Variants in TBC1D32 observed in about 807,000 individuals in gnomAD.
TBC1D32 encodes TBC1 domain family member 32, also known as protein broad-minded.
TBC1D32 carries 151 observed loss-of-function variants against 170.3 expected under a neutral mutation model. The ratio of observed to expected loss-of-function variants is 0.89; its 90% CI spans 0.78 to 1.01. The LOEUF (loss-of-function observed/expected upper bound fraction) is 1.01, where lower values mean the gene tolerates loss of function less well. TBC1D32 is among the 50% of genes least tolerant of loss of function. The probability of loss-of-function intolerance (pLI) is 0.00; values close to 1 mark genes in which losing one functional copy is unlikely to be tolerated. For synonymous variants in TBC1D32, 498 were observed against 488.0 expected, an observed-to-expected ratio of 1.02 and a Z score of -0.27; for missense variants, 1,464 against 1,457.1, an observed-to-expected ratio of 1.00 and a Z score of -0.08.
intron 17 of TBC1D32, among the ~76,000 whole-genome samples, chr6:121,252,706 T>C (rs1798456588): frequency 6.6e-6 from 1 of 152,202 alleles, no homozygotes; most frequent in African/African-American, 2.4e-5. Context: ...CTGCATATTC[T>C]GCACATGTAT....
chr6:121,240,842 T>G (rs1032141824), intron 19 of TBC1D32, among the ~76,000 whole-genome samples: 1 of 121,856 alleles, frequency 8.2e-6, no homozygotes, highest in Non-Finnish European at 1.6e-5. Flanking sequence ...GCCATTGTAC[T>G]CCAGCCTGGG....
chr6:121,198,623 C>T (rs1341595519), intron 22 of TBC1D32, among the ~76,000 whole-genome samples: 3 of 150,670 alleles, frequency 2.0e-5, no homozygotes, highest in African/African-American at 5.0e-5. Context: ...TGGTGGCAGG[C>T]GCCTGTAGTC....
chr6:121,208,476 C>T (rs1455454293), intron 21 of TBC1D32, among the ~76,000 whole-genome samples: 1 of 151,792 alleles, frequency 6.6e-6, no homozygotes, highest in Non-Finnish European at 1.5e-5. Flanking sequence ...GAAATCACCC[C>T]ATAATTCAGT....
At chr6:121,213,765 AC>A (rs150722970) in intron 21 of TBC1D32, among the ~76,000 whole-genome samples, 2,653 of 152,190 alleles carry the variant, frequency 0.017, 95 homozygotes, top group African/African-American at 0.061. Context: ...ACTAACAATG[AC>A]ATCCTTCACA....
chr6:121,145,449 C>T (rs1783304149), intron 24 of TBC1D32, among the ~76,000 whole-genome samples: 1 of 151,808 alleles, frequency 6.6e-6, no homozygotes, highest in Non-Finnish European at 1.5e-5. Flanking sequence ...GAATGGTTAC[C>T]AGAAGCTGGA....
At chr6:121,206,396 A>G (rs1035287732) in intron 21 of TBC1D32, among the ~76,000 whole-genome samples, 5 of 152,158 alleles carry the variant, frequency 3.3e-5, no homozygotes, top group African/African-American at 1.2e-4. Flanking sequence ...TCTGTTACCA[A>G]TAGGGCAAAA....
intron 17 of TBC1D32, among the ~76,000 whole-genome samples, chr6:121,252,739 A>C (rs1246897368): frequency 1.3e-5 from 2 of 152,006 alleles, no homozygotes; most frequent in African/African-American, 4.8e-5. Context: ...TGTATAATAA[A>C]TAAAAAAATA....
At chr6:121,099,013 A>G (rs1582761182) in intron 30 of TBC1D32, among the ~76,000 whole-genome samples, 1 of 152,040 alleles carries the variant, frequency 6.6e-6, no homozygotes, top group South Asian at 2.1e-4. Context: ...ATAATTTTAC[A>G]TTTTCAAAAA....
At chr6:121,185,215 G>C (rs190078148) in intron 22 of TBC1D32, among the ~76,000 whole-genome samples, 3 of 151,908 alleles carry the variant, frequency 2.0e-5, no homozygotes, top group Admixed American at 2.0e-4. Context: ...ATTCTAGCAG[G>C]TACTAATATA....
At chr6:121,297,058 C>T (rs1363359234) in intron 10 of TBC1D32, among the ~76,000 whole-genome samples, 1 of 152,068 alleles carries the variant, frequency 6.6e-6, no homozygotes, top group African/African-American at 2.4e-5. Context: ...TTTTCTTAAA[C>T]ATGCTATCTT....
At chr6:121,101,694 C>T (rs1778087136) in intron 30 of TBC1D32, among the ~76,000 whole-genome samples, 1 of 152,142 alleles carries the variant, frequency 6.6e-6, no homozygotes, top group South Asian at 2.1e-4. Flanking sequence ...GGGATGCCCT[C>T]TCTCACCACT....
chr6:121,242,070 C>CT lies in TBC1D32; in HGVS notation c.2157+130dup, dbSNP rs1395545906. On this transcript the variant is annotated intron_variant, in intron 18 of 31. Coordinates refer to ENST00000398212, the MANE Select transcript of TBC1D32 (RefSeq NM_152730.6). Reference sequence around the variant, plus strand: ...TTTTCCTAAAAAAAAATCAAGTTGACTATTACAATGCTATATGGTCTTTTA... The same window carrying CT: ...TTTTCCTAAAAAAAAATCAAGTTGACTTATTACAATGCTATATGGTCTTTTA... 4.5e-6 allele frequency: 4 copies of CT among 883,664 alleles called. No homozygotes were observed. In the East Asian group the frequency reaches 1.1e-4, roughly 24 times the overall value. 54.7% of individuals were successfully genotyped at this position (883,664 alleles called of 1,614,324 possible).
At chr6:121,307,511 T>G (rs76743037) in intron 5 of TBC1D32, among the ~76,000 whole-genome samples, 1 of 151,958 alleles carries the variant, frequency 6.6e-6, no homozygotes, top group Non-Finnish European at 1.5e-5. Flanking sequence ...TTAAGAAAAA[T>G]TTTGACAATT....
chr6:121,091,811 G>T (rs549509784), intron 30 of TBC1D32, among the ~76,000 whole-genome samples: 1 of 152,000 alleles, frequency 6.6e-6, no homozygotes, highest in Non-Finnish European at 1.5e-5. Flanking sequence ...AACTTTATTC[G>T]AAAATAGGGT....
At chr6:121,088,186 T>G (rs1037641623) in intron 31 of TBC1D32, among the ~76,000 whole-genome samples, 1 of 151,912 alleles carries the variant, frequency 6.6e-6, no homozygotes, top group Middle Eastern at 3.4e-3. Flanking sequence ...AACCCCTGAG[T>G]TCAAGCTATC....
intron 22 of TBC1D32, among the ~76,000 whole-genome samples, chr6:121,174,486 G>A (rs1405277574): frequency 5.9e-5 from 9 of 152,036 alleles, no homozygotes; most frequent in Admixed American, 1.3e-4. Flanking sequence ...GAACCATTGG[G>A]GTATCCAGGC....
intron 15 of TBC1D32, among the ~76,000 whole-genome samples, chr6:121,270,426 T>C (rs984013691): frequency 1.3e-5 from 2 of 151,630 alleles, no homozygotes; most frequent in East Asian, 1.9e-4. Context: ...TGATAAAGGG[T>C]ATATCACCAC....
rs181065821 is a variant in TBC1D32 at position 121,306,043 on chromosome 6, T to C, written c.691-1210A>G. ...CTGCTACTATTCTGTATTTATTAAGTAAAAGAAAAAATACGGGGAAATTTA... is the reference window on the plus strand; with the variant it reads ...CTGCTACTATTCTGTATTTATTAAGCAAAAGAAAAAATACGGGGAAATTTA... On this transcript the variant is annotated intron_variant, in intron 5 of 31. Coordinates refer to ENST00000398212, the MANE Select transcript of TBC1D32 (RefSeq NM_152730.6). 7.9e-5 allele frequency among the ~76,000 whole-genome samples: 12 copies of C among 152,178 alleles called. No homozygotes were observed. In the East Asian group the frequency reaches 2.3e-3, roughly 29 times the overall value.
intron 31 of TBC1D32, among the ~76,000 whole-genome samples, chr6:121,085,558 T>C (rs939809829): frequency 6.6e-6 from 1 of 151,734 alleles, no homozygotes; most frequent in Non-Finnish European, 1.5e-5. Flanking sequence ...ACCAACCAAC[T>C]CCAAAGGTCA....
Sources: allele counts gnomAD v4.1 joint callset (sites outside exome capture counted in the v4.1 genomes callset), GRCh38; gene constraint gnomAD v4.1.1; transcripts MANE v1.5; gene names NCBI Gene and HGNC (gene_info 2026-07-23, HGNC 2026-07-21).